The following FAT3 variants were observed in gnomAD, a reference collection of about 807,000 sequenced individuals.
FAT3 encodes FAT atypical cadherin 3.
FAT3 carries 95 observed loss-of-function variants against 310.2 expected under a neutral mutation model. The observed-to-expected ratio is 0.31, with a 90% CI of 0.26 to 0.36. The LOEUF (loss-of-function observed/expected upper bound fraction) is 0.36, where lower values mean the gene tolerates loss of function less well. Among genes scored for constraint, FAT3 ranks in the 10% least tolerant of loss-of-function variants. The pLI is 1.00. For synonymous variants in FAT3, 2,314 were observed against 2,192.9 expected, an observed-to-expected ratio of 1.06 and a Z score of -1.54; for missense variants, 5,408 against 5,715.6, an observed-to-expected ratio of 0.95 and a Z score of 1.74.
At chr11:92,640,647 GCACTTT>G (rs1941924322) in intron 3 of FAT3, among the ~76,000 whole-genome samples, 1 of 152,162 alleles carries the variant, frequency 6.6e-6, no homozygotes, top group Non-Finnish European at 1.5e-5. Context: ...TGAGCACACT[GCACTTT>G]CACCTTTTAA....
chr11:92,464,336 G>A (rs1951708726), intron 2 of FAT3, among the ~76,000 whole-genome samples: 1 of 152,220 alleles, frequency 6.6e-6, no homozygotes, highest in Non-Finnish European at 1.5e-5. Context: ...CACAGAGTAA[G>A]TTTCATCCTT....
chr11:92,810,169 C>G, intron 13 of FAT3, 93 bp downstream of exon 13: 1 of 1,139,814 alleles, frequency 8.8e-7, no homozygotes, highest in South Asian at 1.5e-5. Context: ...CTTAATCAAC[C>G]CCCTTGGTTC....
rs1949087491 is a variant in FAT3, at chr11:92,368,663, C to T, written c.3292+13259C>T. ...TTTTAGCCTAATTTCTCCTCCAAAA[C>T]TGCTGTAATTCTAGTGCCACCCACC... is the stretch of plus-strand genomic sequence containing the variant. On this transcript the variant is annotated intron_variant, in intron 2 of 27. Coordinates refer to ENST00000525166, the MANE Select transcript of FAT3 (RefSeq NM_001367949.2). Among the ~76,000 whole-genome samples the T allele has an allele frequency of 3.9e-5, 6 of 152,126 alleles. No homozygotes were observed. In the South Asian group the frequency reaches 1.2e-3, roughly 32 times the overall value.
At chr11:92,431,437 A>G (rs1950774218) in intron 2 of FAT3, among the ~76,000 whole-genome samples, 2 of 152,168 alleles carry the variant, frequency 1.3e-5, no homozygotes, top group South Asian at 4.1e-4. Flanking sequence ...GTAGATTGCA[A>G]AAATTTTCTC....
At chr11:92,806,297 G>T in intron 11 of FAT3, 65 bp from the exon 12 acceptor site, 1 of 1,375,070 alleles carries the variant, frequency 7.3e-7, no homozygotes, top group South Asian at 1.4e-5. Context: ...CCTATATAAT[G>T]CTAAATATGG....
chr11:92,508,780 ACT>A (rs1953196372), intron 2 of FAT3, among the ~76,000 whole-genome samples: 1 of 152,082 alleles, frequency 6.6e-6, no homozygotes, highest in Admixed American at 6.6e-5. Flanking sequence ...GACTCCAGAT[ACT>A]CTTTGTGCTA....
chr11:92,464,146 G>T (rs1951704752), intron 2 of FAT3, among the ~76,000 whole-genome samples: 1 of 152,174 alleles, frequency 6.6e-6, no homozygotes, highest in Non-Finnish European at 1.5e-5. Context: ...ACACCTAATG[G>T]TTGGGAGGGT....
intron 2 of FAT3, among the ~76,000 whole-genome samples, chr11:92,394,454 A>C (rs916238923): frequency 6.6e-6 from 1 of 152,188 alleles, no homozygotes; most frequent in African/African-American, 2.4e-5. Flanking sequence ...AAAGAAAAAA[A>C]ATTAAAAGTG....
chr11:92,525,182 A>G (rs1206248395), intron 3 of FAT3, among the ~76,000 whole-genome samples: 1 of 152,100 alleles, frequency 6.6e-6, no homozygotes, highest in East Asian at 1.9e-4. Context: ...AAGGCCTTAG[A>G]TTTGCTTTAC....
At position 92,891,057 on chromosome 11, in the gene FAT3, A is replaced by G. The variant is rs2136450409; in HGVS notation, c.13714A>G (p.Ser4572Gly). 6.2e-7 allele frequency: 1 copy of G among 1,613,788 alleles called. No homozygotes were observed. The highest frequency in any genetic ancestry group is 8.5e-7 in the Non-Finnish European group (1 of 1,179,800). The change falls in exon 28 of 28, where the codon AGC becomes GGC. Residue 4572 changes from serine (S) to glycine (G), a missense_variant. Ser to Gly is a moderately conservative substitution (Grantham distance 56). This residue lies in a region of FAT3 where 649 missense variants were observed against 666.2 expected (regional missense o/e 0.97). Transcript: ENST00000525166. Reference protein sequence around the residue: ...MSDYESVGELSLASLHIPFVE... With the variant: ...MSDYESVGELGLASLHIPFVE... ...TGACTACGAGAGCGTGGGAGAGCTC[A>G]GCCTCGCCAGCCTTCACATTCCCTT... is the stretch of plus-strand genomic sequence containing the variant.
Position 92,617,297 on chromosome 11 carries a change from G to A in FAT3, c.3608-80087G>A, listed in dbSNP as rs568482171. ...CTACTGAAGCTCATGCATTCATCAC[G>A]TAGTTCTCATGCCATGGTTTTCAGC... On this transcript the variant is annotated intron_variant, in intron 3 of 27. Transcript: ENST00000525166. Among the ~76,000 whole-genome samples, 39 of 152,100 alleles carry A rather than the reference G, an allele frequency of 2.6e-4. 1 individual carries two copies. The highest frequency in any genetic ancestry group is 6.3e-4 in the African/African-American group (26 of 41,484).
chr11:92,810,087 T>G lies in FAT3; in HGVS notation c.9481+11T>G. 1 of 1,611,242 alleles carries G rather than the reference T, an allele frequency of 6.2e-7. No homozygotes were observed. The highest frequency in any genetic ancestry group is 1.7e-5 in the Admixed American group (1 of 59,952). On this transcript the variant is annotated intron_variant, in intron 13 of 27. Transcript: ENST00000525166. ...TGGACCCCGACATTGGTAAGTCAGT[T>G]GCAGGCATCTCCCTGTCACACAGTG...
chr11:92,307,258 A>T (rs537227743), intron 1 of FAT3, among the ~76,000 whole-genome samples: 6 of 150,710 alleles, frequency 4.0e-5, no homozygotes, highest in African/African-American at 1.5e-4. Context: ...GCCCGTTTAC[A>T]TCCTGGCTCA....
rs557723940 is a variant in FAT3, at chr11:92,493,211, G to T, written c.3293-31423G>T. Among the ~76,000 whole-genome samples, 4 of 152,174 alleles carry T rather than the reference G, an allele frequency of 2.6e-5. No individual in the cohort carries two copies. In the South Asian group the frequency reaches 8.3e-4, roughly 32 times the overall value. ...TCCCCAATCCTAGCTTGAATTCTCA[G>T]AATTTCTCCTCCAGATAAGTCACTT... On this transcript the variant is annotated intron_variant, in intron 2 of 27. Coordinates refer to ENST00000525166, the MANE Select transcript of FAT3 (RefSeq NM_001367949.2).
chr11:92,515,986 G>T (rs1452564660), intron 2 of FAT3, among the ~76,000 whole-genome samples: 1 of 152,048 alleles, frequency 6.6e-6, no homozygotes, highest in Non-Finnish European at 1.5e-5. Context: ...TGAAATTGAG[G>T]CAGTAATTAA....
chr11:92,833,939 T>A (rs1023885678), intron 14 of FAT3, among the ~76,000 whole-genome samples: 1 of 152,140 alleles, frequency 6.6e-6, no homozygotes, highest in African/African-American at 2.4e-5. Context: ...CAGGTATGAT[T>A]TCTGTGTTTT....
chr11:92,877,040 T>A (rs6483198), intron 22 of FAT3, among the ~76,000 whole-genome samples: 5 of 152,084 alleles, frequency 3.3e-5, no homozygotes, highest in African/African-American at 1.2e-4. Flanking sequence ...TGCTATGGAA[T>A]TAAAGTTATT....
At chr11:92,505,994 G>A (rs762620434) in intron 2 of FAT3, among the ~76,000 whole-genome samples, 3 of 152,044 alleles carry the variant, frequency 2.0e-5, no homozygotes, top group Non-Finnish European at 2.9e-5. Flanking sequence ...TTAAGGTCAC[G>A]TGCAATGACA....
intron 9 of FAT3, among the ~76,000 whole-genome samples, chr11:92,794,440 T>C (rs1055049987): frequency 6.6e-6 from 1 of 152,242 alleles, no homozygotes; most frequent in Non-Finnish European, 1.5e-5. Context: ...TTTCTTACCA[T>C]GTTCTAAACA....
Sources: allele counts gnomAD v4.1 joint callset (sites outside exome capture counted in the v4.1 genomes callset), GRCh38; gene constraint gnomAD v4.1.1; regional missense constraint gnomAD v4.1.1; transcripts MANE v1.5; gene names NCBI Gene and HGNC (gene_info 2026-07-23, HGNC 2026-07-21).